The following ABCG2 variants were observed in gnomAD, a reference collection of about 807,000 sequenced individuals.
The protein encoded by ABCG2 is broad substrate specificity ATP-binding cassette transporter ABCG2.
In ABCG2, 80 loss-of-function variants were observed where a neutral mutation model predicts 73.5. That is an observed-to-expected ratio of 1.09 (90% CI 0.91 to 1.31). ABCG2 has a LOEUF of 1.31. Ranked by LOEUF, ABCG2 falls within the 50% of genes most tolerant of loss-of-function variation. The pLI is 0.00. For missense variants in ABCG2, 796 were observed against 786.2 expected (o/e 1.01, Z -0.15); for synonymous variants, 269 against 282.4 (o/e 0.95, Z 0.48).
chr4:88,115,232 G>GTCTCTCTCTCTGTCTCTCTCTCTC (rs1553933352), intron 7 of ABCG2, among the ~76,000 whole-genome samples, 174 bp from the exon 8 acceptor site: 1 of 28,970 alleles, frequency 3.5e-5, no homozygotes, highest in Admixed American at 5.3e-4. Flanking sequence ...TATATATTCA[G>GTCTCTCTCTCTGTCTCTCTCTCTC]TCTCTCTCTC....
Position 88,195,203 on chromosome 4 carries a change from C to T in ABCG2, c.-20+35791G>A, listed in dbSNP as rs374058642. On this transcript the variant is annotated intron_variant, in intron 1 of 15. Coordinates refer to the ABCG2 transcript ENST00000515655. ...GAGCTGTGATGGCACCACTGCACTC[C>T]AGCATGGGAAACAGAGTGAGACCCT... Among the ~76,000 whole-genome samples, 12 of 152,242 alleles carry T rather than the reference C, an allele frequency of 7.9e-5. No homozygotes were observed. The East Asian group carries it at 1.4e-3, about 17-fold the overall frequency.
At chr4:88,124,938 G>A (rs1341822671) in intron 5 of ABCG2, among the ~76,000 whole-genome samples, 13 of 152,054 alleles carry the variant, frequency 8.5e-5, no homozygotes, top group South Asian at 2.1e-4. Context: ...GCAAAAGAAC[G>A]GAAATCATAA....
At chr4:88,103,472 T>C (rs1480494689) in intron 10 of ABCG2, among the ~76,000 whole-genome samples, 1 of 152,246 alleles carries the variant, frequency 6.6e-6, no homozygotes, top group Non-Finnish European at 1.5e-5. Flanking sequence ...ATTATGGTTG[T>C]ATATATTTGT....
intron 5 of ABCG2, among the ~76,000 whole-genome samples, chr4:88,123,569 T>G (rs1459428844): frequency 6.6e-6 from 1 of 151,712 alleles, no homozygotes; most frequent in Admixed American, 6.6e-5. Context: ...TATAAGAGAT[T>G]AATGAAATAA....
intron 1 of ABCG2, among the ~76,000 whole-genome samples, chr4:88,177,322 C>A (rs1287974286): frequency 6.6e-6 from 1 of 151,066 alleles, no homozygotes; most frequent in Non-Finnish European, 1.5e-5. Flanking sequence ...TACAGTGAGC[C>A]GAGATTGGCC....
At chr4:88,111,789 G>A (rs1013014238) in intron 9 of ABCG2, among the ~76,000 whole-genome samples, 2 of 152,028 alleles carry the variant, frequency 1.3e-5, no homozygotes, top group Admixed American at 1.3e-4. Flanking sequence ...GGTGACAGAG[G>A]GGTTAAGAAT....
At chr4:88,136,467 G>T (rs1255948191) in intron 2 of ABCG2, among the ~76,000 whole-genome samples, 3 of 152,180 alleles carry the variant, frequency 2.0e-5, no homozygotes, top group Non-Finnish European at 4.4e-5. Flanking sequence ...TTCAAAGAAT[G>T]AGGCAAGGTG....
chr4:88,133,237 G>A (rs1375343009), intron 2 of ABCG2, among the ~76,000 whole-genome samples: 3 of 152,124 alleles, frequency 2.0e-5, no homozygotes, highest in Non-Finnish European at 2.9e-5. Context: ...CAATTAATAA[G>A]TCGCTAATTT....
chr4:88,150,813 G>T (rs1726416014), intron 1 of ABCG2, among the ~76,000 whole-genome samples: 1 of 152,200 alleles, frequency 6.6e-6, no homozygotes, highest in African/African-American at 2.4e-5. Flanking sequence ...AATGCAGGGA[G>T]ACCACATAAG....
intron 1 of ABCG2, among the ~76,000 whole-genome samples, chr4:88,183,319 T>G (rs981672403): frequency 2.0e-5 from 3 of 151,702 alleles, no homozygotes; most frequent in African/African-American, 7.3e-5. Flanking sequence ...TTGACAAACC[T>G]TTAGCCAGAC....
chr4:88,147,375 G>A (rs745393970), intron 1 of ABCG2, among the ~76,000 whole-genome samples: 2 of 152,212 alleles, frequency 1.3e-5, no homozygotes, highest in Non-Finnish European at 2.9e-5. Flanking sequence ...AAAACGTTCT[G>A]CAAGCTTGGG....
At chr4:88,118,430 G>T (rs962153121) in intron 6 of ABCG2, among the ~76,000 whole-genome samples, 170 bp from the exon 7 acceptor site, 2 of 152,154 alleles carry the variant, frequency 1.3e-5, no homozygotes, top group East Asian at 3.8e-4. Context: ...TAAATTCAAT[G>T]CTTTTATTAA....
intron 6 of ABCG2, among the ~76,000 whole-genome samples, chr4:88,118,811 T>C (rs3116445): frequency 1.3e-5 from 2 of 152,306 alleles, no homozygotes; most frequent in African/African-American, 4.8e-5. Context: ...CACAATATTG[T>C]CATGAGGCAG....
intron 8 of ABCG2, 106 bp from the exon 9 acceptor site, chr4:88,113,659 A>G (rs536012960): frequency 2.2e-5 from 31 of 1,403,108 alleles, no homozygotes; most frequent in Admixed American, 6.9e-5. Flanking sequence ...CCTTCATTCT[A>G]AAGCTTTAGA....
At chr4:88,188,886 G>A (rs1206366413) in intron 1 of ABCG2, among the ~76,000 whole-genome samples, 1 of 152,006 alleles carries the variant, frequency 6.6e-6, no homozygotes, top group Non-Finnish European at 1.5e-5. Flanking sequence ...GGTGGTGCAC[G>A]CCTGTAATCC....
rs372350996 is a variant in ABCG2 at position 88,115,061 on chromosome 4, A to G, written c.842-3T>C. The G allele has an allele frequency of 5.6e-6, 9 of 1,599,830 alleles. No homozygotes were observed. The highest frequency in any genetic ancestry group is 5.4e-5 in the African/African-American group (4 of 74,490). ...ATTATAGGCCTCACAGTGATAACCT[A>G]TGAAAGAAGGCAGCTCAAAAACACA... On this transcript the variant is annotated splice_polypyrimidine_tract_variant and splice_region_variant and intron_variant, in intron 7 of 15. Coordinates refer to ENST00000237612, the MANE Select transcript of ABCG2 (RefSeq NM_004827.3).
chr4:88,192,113 G>A (rs1407177441), intron 1 of ABCG2, among the ~76,000 whole-genome samples: 1 of 151,900 alleles, frequency 6.6e-6, no homozygotes, highest in Non-Finnish European at 1.5e-5. Context: ...CTCGGGAGGT[G>A]GAGGTTGCGG....
intron 1 of ABCG2, among the ~76,000 whole-genome samples, chr4:88,230,324 CATAT>C (rs36080532): frequency 0.81 from 98,849 of 122,728 alleles, 41,045 homozygotes; most frequent in African/African-American, 0.83. Flanking sequence ...TTTTTGGCCA[CATAT>C]ATATATATAT....
At chr4:88,126,331 C>T (rs1238080800) in intron 5 of ABCG2, among the ~76,000 whole-genome samples, 16 of 152,116 alleles carry the variant, frequency 1.1e-4, no homozygotes, top group African/African-American at 2.9e-4. Flanking sequence ...GATTCACAGC[C>T]GAATTCTACC....
Sources: allele counts gnomAD v4.1 joint callset (sites outside exome capture counted in the v4.1 genomes callset), GRCh38; gene constraint gnomAD v4.1.1; transcripts MANE v1.5; gene names NCBI Gene and HGNC (gene_info 2026-07-23, HGNC 2026-07-21).